GORASP2: variants seen among roughly 807,000 people sequenced by gnomAD.
The protein encoded by GORASP2 is Golgi reassembly-stacking protein 2.
GORASP2 carries 22 observed loss-of-function variants against 45.7 expected under a neutral mutation model. The ratio of observed to expected loss-of-function variants is 0.48; its 90% CI spans 0.34 to 0.69. GORASP2 has a LOEUF of 0.69. Among genes scored for constraint, GORASP2 ranks in the 30% least tolerant of loss-of-function variants. The pLI, the probability that GORASP2 is intolerant of heterozygous loss-of-function variation, is 0.01. For synonymous variants in GORASP2, 221 were observed against 215.6 expected (o/e 1.02, Z -0.22); for missense variants, 491 against 562.7 (o/e 0.87, Z 1.29).
chr2:170,956,835 G>T (rs1704437273), intron 7 of GORASP2, among the ~76,000 whole-genome samples: 2 of 152,106 alleles, frequency 1.3e-5, no homozygotes, highest in African/African-American at 2.4e-5. Context: ...GATTGCTTGA[G>T]CCTTGGAGGT....
intron 2 of GORASP2, among the ~76,000 whole-genome samples, chr2:170,949,176 C>T (rs1486216651): frequency 6.6e-6 from 1 of 152,110 alleles, no homozygotes. Flanking sequence ...TAAACGTTAA[C>T]CCCAGTAAAT....
In GORASP2 at chr2:170,966,369, G is replaced by A. The variant is rs187596925; in HGVS notation, c.*239G>A. On this transcript the variant is annotated 3_prime_UTR_variant, in exon 10 of 10. Coordinates refer to ENST00000234160, the MANE Select transcript of GORASP2 (RefSeq NM_015530.5). ...TTTAAACAACCAAAAAGAATTGTAA[G>A]GGTGGCTTGCTGCCAGGCTTGCACT... The A allele has an allele frequency of 2.7e-4, 146 of 548,104 alleles. No homozygotes were observed. The highest frequency in any genetic ancestry group is 4.7e-4 in the Non-Finnish European group (143 of 306,652). The allele number at this position is 548,104 out of a possible 1,614,324, so 34.0% of individuals were successfully genotyped here.
In GORASP2 at chr2:170,958,889, C is replaced by G. The variant is rs1277246204; in HGVS notation, c.823+2330C>G. ...TTTGCCATGTTGGCCAGGCTGGTCT[C>G]AAACTCCTGACCTCAAGTGACCCGC... On this transcript the variant is annotated intron_variant, in intron 7 of 9. Transcript: ENST00000234160. Among the ~76,000 whole-genome samples the G allele has an allele frequency of 2.0e-5, 3 of 152,118 alleles. No individual in the cohort carries two copies. The East Asian group carries it at 5.8e-4, about 29-fold the overall frequency.
chr2:170,944,543 T>G (rs1704142824), intron 1 of GORASP2, among the ~76,000 whole-genome samples: 1 of 152,230 alleles, frequency 6.6e-6, no homozygotes. Flanking sequence ...AGCTATTGAA[T>G]CATTTTTGAA....
chr2:170,948,035 A>G (rs1704217368), intron 1 of GORASP2, among the ~76,000 whole-genome samples: 1 of 152,190 alleles, frequency 6.6e-6, no homozygotes, highest in African/African-American at 2.4e-5. Context: ...GAGGCACAAG[A>G]ATCGCTTGAA....
rs530735889 is a variant in GORASP2, at chr2:170,950,963, CAGTT to C, written c.436-362_436-359del. Among the ~76,000 whole-genome samples, 331 of 151,332 alleles carry C rather than the reference CAGTT, an allele frequency of 2.2e-3. 2 individuals carry two copies. The highest frequency in any genetic ancestry group is 7.8e-3 in the African/African-American group (323 of 41,172). On this transcript the variant is annotated intron_variant, in intron 4 of 9. Coordinates refer to ENST00000234160, the MANE Select transcript of GORASP2 (RefSeq NM_015530.5). ...TGCCACTGCACTCTAGCCCAGGCAA[CAGTT>C]AGAGAGACCCTGTCTCAAAAAAAGA...
intron 5 of GORASP2, among the ~76,000 whole-genome samples, chr2:170,951,876 C>T (rs748530215): frequency 6.5e-4 from 99 of 152,186 alleles, no homozygotes; most frequent in Non-Finnish European, 1.1e-3. Flanking sequence ...TGAGATTCTC[C>T]AGCTGAATGT....
intron 1 of GORASP2, 87 bp from the exon 2 acceptor site, chr2:170,948,263 G>A (rs886551859): frequency 4.0e-6 from 3 of 757,138 alleles, no homozygotes; most frequent in African/African-American, 1.8e-5. Flanking sequence ...CAGTGAAATT[G>A]GTCTATTTTT....
intron 1 of GORASP2, among the ~76,000 whole-genome samples, chr2:170,937,667 G>A (rs566471053): frequency 6.6e-6 from 1 of 152,048 alleles, no homozygotes; most frequent in African/African-American, 2.4e-5. Flanking sequence ...GAAGGAGGGA[G>A]GGAAGGGAAA....
At chr2:170,937,654 A>G (rs970569710) in intron 1 of GORASP2, among the ~76,000 whole-genome samples, 4 of 152,058 alleles carry the variant, frequency 2.6e-5, no homozygotes, top group Non-Finnish European at 4.4e-5. Flanking sequence ...AGAAAGAGAG[A>G]GGGAAGGAGG....
intron 9 of GORASP2, among the ~76,000 whole-genome samples, chr2:170,963,427 C>T (rs1004991109): frequency 1.7e-4 from 25 of 143,208 alleles, no homozygotes; most frequent in African/African-American, 6.5e-4. Context: ...TCAGTCCCCG[C>T]TGCTACTGCT....
At position 170,965,948 on chromosome 2, in the gene GORASP2, G is replaced by T; in HGVS notation, c.1177G>T (p.Ala393Ser). 1 of 1,613,710 alleles carries T rather than the reference G, an allele frequency of 6.2e-7. No homozygotes were observed. The highest frequency in any genetic ancestry group is 8.5e-7 in the Non-Finnish European group (1 of 1,179,876). ...GTCTTCCCTCCCGCCCACCAGCAAC[G>T]CACCCTCCGACCCTGCCACAACTAC... ...LLSSLPPTSN[A>S]PSDPATTTAK... is the part of the protein sequence containing the mutation. The change falls in exon 10 of 10, where the codon GCA becomes TCA. Residue 393 changes from alanine to serine, a missense_variant. Around this residue, in one of 2 missense-constraint regions of GORASP2, gnomAD observed 297 missense variants for 292.3 expected, o/e 1.02. Coordinates refer to ENST00000234160, the MANE Select transcript of GORASP2 (RefSeq NM_015530.5).
At chr2:170,947,834 A>G (rs1273904436) in intron 1 of GORASP2, among the ~76,000 whole-genome samples, 3 of 152,174 alleles carry the variant, frequency 2.0e-5, no homozygotes, top group African/African-American at 7.2e-5. Context: ...ATAGAAGATG[A>G]ACTAGGCCCG....
At chr2:170,949,449 T>G in intron 2 of GORASP2, 90 bp from the exon 3 acceptor site, 1 of 793,258 alleles carries the variant, frequency 1.3e-6, no homozygotes, top group Non-Finnish European at 2.1e-6. Flanking sequence ...TTTATGTTGA[T>G]TATTAATATT....
chr2:170,940,686 C>T (rs976502960), intron 1 of GORASP2, among the ~76,000 whole-genome samples: 41 of 150,846 alleles, frequency 2.7e-4, no homozygotes, highest in Non-Finnish European at 1.6e-4. Context: ...GAAGTATTAA[C>T]GGTATCTTGT....
Position 170,966,459 on chromosome 2 carries a change from C to G in GORASP2, c.*329C>G. On this transcript the variant is annotated 3_prime_UTR_variant, in exon 10 of 10. Transcript: ENST00000234160. ...CGGGGCGTCCACTAGGTTTCCTGTC[C>G]CCTGCTGCTCCTTCCGTAAGAAAAT... The G allele has an allele frequency of 2.5e-6, 1 of 404,848 alleles. No individual in the cohort carries two copies. The highest frequency in any genetic ancestry group is 4.5e-6 in the Non-Finnish European group (1 of 222,636). 25.1% of individuals were successfully genotyped at this position (404,848 alleles called of 1,614,324 possible). A position where few individuals can be genotyped will look rare whatever the true frequency, so the allele number is the denominator to read the frequency against.
intron 1 of GORASP2, among the ~76,000 whole-genome samples, chr2:170,935,291 A>G (rs892836654): frequency 5.9e-5 from 9 of 151,320 alleles, no homozygotes; most frequent in South Asian, 4.2e-4. Flanking sequence ...GTCTTGCTCT[A>G]TCACCCAGGC....
Position 170,956,516 on chromosome 2 carries a change from T to A in GORASP2, c.780T>A (p.Ser260=). 3 of 1,613,422 alleles carry A rather than the reference T, an allele frequency of 1.9e-6. No homozygotes were observed. The highest frequency in any genetic ancestry group is 2.5e-6 in the Non-Finnish European group (3 of 1,179,380). ...TGIEQSLTGL[S]ISSTPPAVSS... The stretch of plus-strand genomic sequence containing the variant: ...TTGAACAGAGTCTGACTGGACTTTC[T>A]ATTAGCTCAACTCCACCAGCTGTCA... The change falls in exon 7 of 10, where the codon TCT becomes TCA. Residue 260 remains serine (S), a synonymous_variant. Transcript: ENST00000234160.
chr2:170,941,868 T>C (rs560635347), intron 1 of GORASP2, among the ~76,000 whole-genome samples: 1 of 152,288 alleles, frequency 6.6e-6, no homozygotes, highest in African/African-American at 2.4e-5. Context: ...TTCTGTTGGG[T>C]ATATACCCAA....
Sources: allele counts gnomAD v4.1 joint callset (sites outside exome capture counted in the v4.1 genomes callset), GRCh38; gene constraint gnomAD v4.1.1; regional missense constraint gnomAD v4.1.1; transcripts MANE v1.5; gene names NCBI Gene and HGNC (gene_info 2026-07-23, HGNC 2026-07-21).